ARHGAP20: variants seen among roughly 807,000 people sequenced by gnomAD.
ARHGAP20 encodes rho GTPase-activating protein 20.
In ARHGAP20, 34 loss-of-function variants were observed where a neutral mutation model predicts 73.7. The observed-to-expected ratio is 0.46, with a 90% CI of 0.35 to 0.61. The LOEUF (loss-of-function observed/expected upper bound fraction) is 0.61. ARHGAP20 is among the 20% of genes least tolerant of loss of function. ARHGAP20 has a pLI of 0.00. For missense variants in ARHGAP20, 1,314 were observed against 1,420.9 expected (o/e 0.92, Z 1.21); for synonymous variants, 523 against 518.2 (o/e 1.01, Z -0.13).
At chr11:110,589,306 C>T (rs1378970244) in intron 11 of ARHGAP20, 2 of 739,002 alleles carry the variant, frequency 2.7e-6, no homozygotes, top group Admixed American at 1.3e-4. Flanking sequence ...CCCTCCAGTT[C>T]TCTTGCATGA....
chr11:110,595,623 A>C (rs1947938095), intron 9 of ARHGAP20, among the ~76,000 whole-genome samples: 1 of 152,220 alleles, frequency 6.6e-6, no homozygotes, highest in African/African-American at 2.4e-5. Flanking sequence ...ACTACAAACC[A>C]CTGCCCAATG....
intron 8 of ARHGAP20, among the ~76,000 whole-genome samples, chr11:110,607,974 A>C (rs1329568261): frequency 6.6e-6 from 1 of 152,174 alleles, no homozygotes; most frequent in African/African-American, 2.4e-5. Flanking sequence ...CTATTACAAA[A>C]ATGACAACAT....
At chr11:110,621,906 T>C (rs1268742532) in intron 4 of ARHGAP20, among the ~76,000 whole-genome samples, 1 of 152,242 alleles carries the variant, frequency 6.6e-6, no homozygotes, top group Non-Finnish European at 1.5e-5. Context: ...CTAACTTGAT[T>C]AGATGAAGCT....
At position 110,602,633 on chromosome 11, in the gene ARHGAP20, TAAGA is replaced by T. The variant is rs1948137333; in HGVS notation, c.964+3924_964+3927del. On this transcript the variant is annotated intron_variant, in intron 9 of 14. Transcript: ENST00000683387. ...TTAAATCTGTGTGCTTGCAGTAGAT[TAAGA>T]AAGGGGTCCAGAGAAACTAGATTTA... is the stretch of plus-strand genomic sequence containing the variant. Among the ~76,000 whole-genome samples the T allele has an allele frequency of 3.3e-5, 5 of 152,298 alleles. No homozygotes were observed. In the South Asian group the frequency reaches 1.0e-3, roughly 32 times the overall value.
chr11:110,630,687 G>C lies in ARHGAP20; in HGVS notation c.294C>G (p.Leu98=). The change falls in exon 3 of 15, where the codon CTC becomes CTG. Residue 98 remains leucine (L), a synonymous_variant. Coordinates refer to ENST00000683387, the MANE Select transcript of ARHGAP20 (RefSeq NM_001384657.1). ...IDGRAELKRG[L]QRQERHLFLF... The stretch of plus-strand genomic sequence containing the variant: ...GGAAAAGATGCCGCTCCTGCCTCTG[G>C]AGGCCTCTTTTGAGTTCTGCCCGGC... 6.2e-7 allele frequency: 1 copy of C among 1,614,120 alleles called. No homozygotes were observed. The highest frequency in any genetic ancestry group is 1.1e-5 in the South Asian group (1 of 91,076).
intron 10 of ARHGAP20, among the ~76,000 whole-genome samples, chr11:110,591,700 T>C (rs553707843): frequency 6.6e-6 from 1 of 152,320 alleles, no homozygotes; most frequent in Admixed American, 6.5e-5. Context: ...AAGAAAGGAT[T>C]TGTGAGGAAT....
chr11:110,586,378 T>C (rs775406681), intron 11 of ARHGAP20, 53 bp from the exon 12 acceptor site: 103 of 1,136,378 alleles, frequency 9.1e-5, no homozygotes, highest in Non-Finnish European at 5.1e-5. Context: ...ATGCCAAATA[T>C]GTATTAGAGA....
At chr11:110,587,121 AGCTTTTGTTGTTTG>A (rs1345167243) in intron 11 of ARHGAP20, among the ~76,000 whole-genome samples, 4 of 152,224 alleles carry the variant, frequency 2.6e-5, no homozygotes, top group Admixed American at 6.5e-5. Flanking sequence ...TTTGTTGTTT[AGCTTTTGTTGTTTG>A]GCTTTTGTTT....
At chr11:110,645,550 A>C (rs1247966759) in intron 2 of ARHGAP20, among the ~76,000 whole-genome samples, 1 of 152,212 alleles carries the variant, frequency 6.6e-6, no homozygotes, top group African/African-American at 2.4e-5. Context: ...GCTACTGTGG[A>C]GAGCAGTTTA....
chr11:110,590,640 C>T lies in ARHGAP20; in HGVS notation c.1305+8G>A. 1.2e-6 allele frequency: 2 copies of T among 1,611,426 alleles called. No individual in the cohort carries two copies. The highest frequency in any genetic ancestry group is 1.1e-5 in the South Asian group (1 of 90,490). On this transcript the variant is annotated splice_region_variant and intron_variant, in intron 11 of 14. Transcript: ENST00000683387. ...CCATGGGGTGGATAAAGGGATGACT[C>T]TTCTTACCTTTAAGACAGATGCTAT...
Position 110,578,371 on chromosome 11 carries a change from A to T in ARHGAP20, c.*999T>A, listed in dbSNP as rs1947342506. The T allele has an allele frequency of 2.0e-6, 2 of 985,290 alleles. No homozygotes were observed. The highest frequency in any genetic ancestry group is 3.5e-5 in the African/African-American group (2 of 57,216). 61.0% of individuals were successfully genotyped at this position (985,290 alleles called of 1,614,324 possible). ...CCAAACTACAAAAATCAGAAAAGGGATGATTTATAAGTATGTTTTTCTGGC... is the reference window on the plus strand; with the variant it reads ...CCAAACTACAAAAATCAGAAAAGGGTTGATTTATAAGTATGTTTTTCTGGC... On this transcript the variant is annotated 3_prime_UTR_variant, in exon 15 of 15. Coordinates refer to ENST00000683387, the MANE Select transcript of ARHGAP20 (RefSeq NM_001384657.1).
intron 1 of ARHGAP20, among the ~76,000 whole-genome samples, chr11:110,696,361 T>C (rs1471551960): frequency 6.6e-6 from 1 of 151,678 alleles, no homozygotes; most frequent in Non-Finnish European, 1.5e-5. Flanking sequence ...ACTACCAAAT[T>C]ACTAAACCAC....
chr11:110,600,916 C>G (rs1176824117), intron 9 of ARHGAP20, among the ~76,000 whole-genome samples: 1 of 152,140 alleles, frequency 6.6e-6, no homozygotes, highest in East Asian at 1.9e-4. Context: ...ACTAGGAGGC[C>G]TTCTCTACAC....
At chr11:110,690,698 A>T (rs1396866861) in intron 1 of ARHGAP20, 69 bp from the exon 2 acceptor site, 17 of 1,461,878 alleles carry the variant, frequency 1.2e-5, no homozygotes, top group Admixed American at 3.5e-5. Flanking sequence ...ATTTTTTTTT[A>T]AATCCAATTT....
Position 110,578,161 on chromosome 11 carries a change from C to T in ARHGAP20, c.*1209G>A. On this transcript the variant is annotated 3_prime_UTR_variant, in exon 15 of 15. Transcript: ENST00000683387. ...GTCAAGAAAGCAGAGAAAGAAAGGTCCATGGATATAAAATAAACCAATGGG... is the reference window on the plus strand; with the variant it reads ...GTCAAGAAAGCAGAGAAAGAAAGGTTCATGGATATAAAATAAACCAATGGG... 1 of 985,352 alleles carries T rather than the reference C, an allele frequency of 1.0e-6. No homozygotes were observed. The allele number at this position is 985,352 out of a possible 1,614,324, so 61.0% of individuals were successfully genotyped here.
intron 2 of ARHGAP20, among the ~76,000 whole-genome samples, chr11:110,675,919 C>T (rs1177754836): frequency 6.6e-6 from 1 of 152,096 alleles, no homozygotes; most frequent in East Asian, 1.9e-4. Flanking sequence ...TTTTCCTCCA[C>T]CAGGTTATGA....
intron 12 of ARHGAP20, among the ~76,000 whole-genome samples, chr11:110,584,972 A>AATATATGAATATGAAT (rs1555082421): frequency 0.47 from 68,530 of 145,320 alleles, 17,747 homozygotes; most frequent in Middle Eastern, 0.61. Context: ...TGAATATATG[A>AATATATGAATATGAAT]ATATATATGT....
intron 2 of ARHGAP20, among the ~76,000 whole-genome samples, chr11:110,666,772 T>C (rs893626453): frequency 1.3e-5 from 2 of 152,226 alleles, no homozygotes; most frequent in Non-Finnish European, 2.9e-5. Context: ...TGATCAGTAA[T>C]CTTTGATGTT....
Position 110,580,293 on chromosome 11 carries a change from G to C in ARHGAP20, c.2653C>G (p.Leu885Val), listed in dbSNP as rs757199512. Residue 885 changes from leucine to valine, a missense_variant, in exon 15 of 15, where the codon CTC (leucine) becomes GTC (valine). Leu to Val is a conservative substitution (Grantham distance 32). This residue lies in a region of ARHGAP20 where 641 missense variants were observed against 636.9 expected (regional missense o/e 1.01). Transcript: ENST00000683387. Reference sequence around the variant, plus strand: ...ATTTGCAAAGACTTATGCCGTTTGAGATAATCCTCCTCTCCATGCAAGAGA... The same window carrying C: ...ATTTGCAAAGACTTATGCCGTTTGACATAATCCTCCTCTCCATGCAAGAGA... Reference protein sequence around the residue: ...AGLLHGEEDYLKRHKSLQMEG... With the variant: ...AGLLHGEEDYVKRHKSLQMEG... The C allele has an allele frequency of 6.2e-6, 10 of 1,614,230 alleles. No homozygotes were observed. Among genetic ancestry groups the C allele is most frequent in the African/African-American group, 1.3e-5 (1 of 75,058 alleles).
Sources: gnomAD v4.1 joint callset for allele counts (sites outside exome capture counted in the v4.1 genomes callset) on GRCh38, gnomAD v4.1.1 for gene constraint, gnomAD v4.1.1 regional missense constraint, MANE v1.5 for transcripts, NCBI Gene and HGNC (gene_info 2026-07-23, HGNC 2026-07-21) for gene names.